The following EFCAB6 variants were observed in gnomAD, a reference collection of about 807,000 sequenced individuals.
The protein encoded by EFCAB6 is EF-hand calcium-binding domain-containing protein 6.
Under a neutral mutation model 169.8 loss-of-function variants are expected in EFCAB6, and 156 were observed. That is an observed-to-expected ratio of 0.92 (90% CI 0.81 to 1.05). The LOEUF (loss-of-function observed/expected upper bound fraction) is 1.05, where lower values mean the gene tolerates loss of function less well. Ranked by LOEUF, EFCAB6 falls within the 50% of genes least tolerant of loss-of-function variation. The pLI, the probability that EFCAB6 is intolerant of heterozygous loss-of-function variation, is 0.00. For missense variants in EFCAB6, 1,800 were observed against 1,829.1 expected (o/e 0.98, Z 0.29); for synonymous variants, 698 against 676.4 (o/e 1.03, Z -0.50).
At chr22:43,717,109 A>C in intron 8 of EFCAB6, 137 bp from the exon 9 acceptor site, 1 of 1,139,712 alleles carries the variant, frequency 8.8e-7, no homozygotes, top group Non-Finnish European at 1.2e-6. Flanking sequence ...CCATCTGATT[A>C]ATGGTGTTGA....
intron 5 of EFCAB6, 51 bp downstream of exon 5, chr22:43,765,254 T>C (rs2061290434): frequency 7.1e-7 from 1 of 1,405,670 alleles, no homozygotes; most frequent in East Asian, 2.3e-5. Context: ...TCATAGCTCT[T>C]ACTCATCATT....
At chr22:43,535,891 G>A (rs1373707942) in intron 29 of EFCAB6, 1 of 152,244 alleles carries the variant, frequency 6.6e-6, no homozygotes, top group African/African-American at 2.4e-5. Flanking sequence ...GCAGGTCACG[G>A]TGCCTGTCAG....
chr22:43,724,243 C>T (rs1433657337), intron 8 of EFCAB6, among the ~76,000 whole-genome samples: 2 of 152,192 alleles, frequency 1.3e-5, no homozygotes, highest in Non-Finnish European at 2.9e-5. Context: ...GGATACAATG[C>T]AGCCAAGTTT....
At chr22:43,577,131 C>T (rs2050307764) in intron 25 of EFCAB6, among the ~76,000 whole-genome samples, 2 of 152,236 alleles carry the variant, frequency 1.3e-5, no homozygotes, top group Admixed American at 6.5e-5. Flanking sequence ...ACTGGAGCAG[C>T]GGGGGCACAC....
At chr22:43,743,833 A>T (rs77955481) in intron 6 of EFCAB6, among the ~76,000 whole-genome samples, 3 of 152,106 alleles carry the variant, frequency 2.0e-5, no homozygotes, top group African/African-American at 7.2e-5. Flanking sequence ...CAGAGCCAAG[A>T]CTAGGGCCTG....
At chr22:43,650,280 T>A (rs1602955474) in intron 17 of EFCAB6, among the ~76,000 whole-genome samples, 1 of 152,192 alleles carries the variant, frequency 6.6e-6, no homozygotes, top group South Asian at 2.1e-4. Flanking sequence ...TGGGAGGAAG[T>A]CTTTCCCGTG....
At chr22:43,569,524 G>T (rs1240263462) in intron 26 of EFCAB6, among the ~76,000 whole-genome samples, 3 of 152,264 alleles carry the variant, frequency 2.0e-5, no homozygotes, top group African/African-American at 7.2e-5. Flanking sequence ...CTGAGGAGGA[G>T]AAGTGGATGC....
intron 2 of EFCAB6, among the ~76,000 whole-genome samples, chr22:43,804,146 A>G (rs151046426): frequency 6.6e-6 from 1 of 152,364 alleles, no homozygotes; most frequent in African/African-American, 2.4e-5. Flanking sequence ...CAATGGAATA[A>G]AACTATAAAT....
At chr22:43,651,361 G>T (rs1390332479) in intron 17 of EFCAB6, among the ~76,000 whole-genome samples, 1 of 152,268 alleles carries the variant, frequency 6.6e-6, no homozygotes. Flanking sequence ...TCCACATGGT[G>T]TTGAGCCTGT....
chr22:43,540,664 T>G, intron 27 of EFCAB6: 1 of 897,586 alleles, frequency 1.1e-6, no homozygotes, highest in Non-Finnish European at 1.5e-6. Flanking sequence ...GTGCCTGAGC[T>G]GCAGTGTATT....
rs201557965 is a variant in EFCAB6 at position 43,719,402 on chromosome 22, T to C, written c.758-2430A>G. Among the ~76,000 whole-genome samples the C allele has an allele frequency of 3.3e-5, 5 of 152,230 alleles. No homozygotes were observed. In the East Asian group the frequency reaches 9.6e-4, roughly 29 times the overall value. On this transcript the variant is annotated intron_variant, in intron 8 of 31. Coordinates refer to ENST00000262726, the MANE Select transcript of EFCAB6 (RefSeq NM_022785.4). The stretch of plus-strand genomic sequence containing the variant: ...GGAAATCTGCTCCCCAGCATCTTTC[T>C]TCATGTGCCCAAATAGATGGTGCTT...
chr22:43,729,033 T>G (rs1456933751), intron 8 of EFCAB6, among the ~76,000 whole-genome samples: 1 of 152,192 alleles, frequency 6.6e-6, no homozygotes, highest in South Asian at 2.1e-4. Flanking sequence ...AAGAAGCTTT[T>G]TACTGGTGGT....
chr22:43,793,513 G>C (rs2062386191), intron 2 of EFCAB6, among the ~76,000 whole-genome samples: 1 of 152,140 alleles, frequency 6.6e-6, no homozygotes. Flanking sequence ...CTAGGGTCTA[G>C]GAAGAGAAAG....
intron 27 of EFCAB6, among the ~76,000 whole-genome samples, chr22:43,551,326 T>C (rs916654522): frequency 2.6e-5 from 4 of 152,194 alleles, no homozygotes; most frequent in Non-Finnish European, 5.9e-5. Context: ...GCCCCAAGTA[T>C]AGCACAATCT....
chr22:43,770,765 G>T (rs1027448239), intron 4 of EFCAB6, among the ~76,000 whole-genome samples: 1 of 151,322 alleles, frequency 6.6e-6, no homozygotes, highest in Non-Finnish European at 1.5e-5. Context: ...GTTTAAGAGA[G>T]GAAAGAATGG....
At position 43,530,833 on chromosome 22, in the gene EFCAB6, G is replaced by A. The variant is rs144797247; in HGVS notation, c.4365C>T (p.Ser1455=). ...TGCTCACCGTCCTGAAATCTGCGAC[G>A]CTTAGCAGCCCTGTTCCAGCCTCAT... ...SYDEAGTGLL[S]VADFRTVLRQ... Residue 1455 remains serine (S), a synonymous_variant, in exon 31 of 32, where the codon AGC becomes AGT. Transcript: ENST00000262726. 2.5e-6 allele frequency: 4 copies of A among 1,613,844 alleles called. No homozygotes were observed. The African/African-American group carries it at 4.0e-5, about 16-fold the overall frequency.
chr22:43,784,589 A>ATG (rs377683689), intron 2 of EFCAB6, among the ~76,000 whole-genome samples: 619 of 40,000 alleles, frequency 0.015, 39 homozygotes, highest in East Asian at 0.027. Context: ...ACACATATAT[A>ATG]TGTATATATA....
intron 8 of EFCAB6, among the ~76,000 whole-genome samples, chr22:43,722,763 T>C (rs115908220): frequency 0.023 from 3,505 of 152,208 alleles, 140 homozygotes; most frequent in African/African-American, 0.08. Flanking sequence ...CATATGTTCA[T>C]TGTAGCACTA....
At chr22:43,725,041 G>A (rs1157906239) in intron 8 of EFCAB6, among the ~76,000 whole-genome samples, 1 of 151,998 alleles carries the variant, frequency 6.6e-6, no homozygotes, top group South Asian at 2.1e-4. Flanking sequence ...TCAAGGGACT[G>A]CAGCTGGCTG....
Sources: allele counts gnomAD v4.1 joint callset (sites outside exome capture counted in the v4.1 genomes callset), GRCh38; gene constraint gnomAD v4.1.1; transcripts MANE v1.5; gene names NCBI Gene and HGNC (gene_info 2026-07-23, HGNC 2026-07-21).